Variants in IQCM observed in about 807,000 individuals in gnomAD.
IQCM encodes the protein IQ motif containing M.
IQCM carries 45 observed loss-of-function variants against 57.6 expected under a neutral mutation model. The observed-to-expected ratio is 0.78, with a 90% CI of 0.62 to 1.00. The LOEUF (loss-of-function observed/expected upper bound fraction) is 1.00, where lower values mean the gene tolerates loss of function less well. Ranked by LOEUF, IQCM falls within the 50% of genes least tolerant of loss-of-function variation. The pLI is 0.00. For synonymous variants in IQCM, 148 were observed against 158.9 expected (o/e 0.93, Z 0.51); for missense variants, 468 against 511.6 (o/e 0.91, Z 0.82).
At chr4:149,353,426 T>G (rs754145623) in intron 13 of IQCM, among the ~76,000 whole-genome samples, 2 of 152,188 alleles carry the variant, frequency 1.3e-5, no homozygotes, top group African/African-American at 2.4e-5. Flanking sequence ...GCAATCCCTC[T>G]TCTGGGCATA....
intron 12 of IQCM, among the ~76,000 whole-genome samples, chr4:149,545,820 T>A (rs1372822603): frequency 1.1e-5 from 1 of 94,494 alleles, no homozygotes; most frequent in African/African-American, 2.8e-5. Flanking sequence ...AAAGTGGTAT[T>A]TTTTTTTTAT....
At chr4:149,623,050 T>C (rs1212726991) in intron 7 of IQCM, among the ~76,000 whole-genome samples, 1 of 152,150 alleles carries the variant, frequency 6.6e-6, no homozygotes, top group African/African-American at 2.4e-5. Flanking sequence ...CACAAAGAAA[T>C]GACAAATGTC....
At chr4:149,478,742 A>T (rs1740474781) in intron 12 of IQCM, among the ~76,000 whole-genome samples, 1 of 152,176 alleles carries the variant, frequency 6.6e-6, no homozygotes, top group Non-Finnish European at 1.5e-5. Context: ...ATGAGAATCT[A>T]CAAGAGTCTT....
At chr4:149,376,293 G>C (rs981944352) in intron 13 of IQCM, among the ~76,000 whole-genome samples, 1 of 152,114 alleles carries the variant, frequency 6.6e-6, no homozygotes, top group Non-Finnish European at 1.5e-5. Context: ...GAGAAGTAGA[G>C]AAGAAAGGGT....
At chr4:149,481,701 G>GTTTTGTTTTTTTGTTTTTTGTTTTTTTT in intron 12 of IQCM, among the ~76,000 whole-genome samples, 1 of 51,580 alleles carries the variant, frequency 1.9e-5, no homozygotes, top group East Asian at 5.3e-4. Context: ...TTCCAGTTTT[G>GTTTTGTTTTTTTGTTTTTTGTTTTTTTT]TTTTTTTTTT....
At chr4:149,511,464 G>T (rs1744409700) in intron 12 of IQCM, among the ~76,000 whole-genome samples, 1 of 151,862 alleles carries the variant, frequency 6.6e-6, no homozygotes, top group Admixed American at 6.6e-5. Context: ...GGAGGCAGAG[G>T]TTGCAGTGAG....
chr4:149,513,802 T>C (rs1744669157), intron 12 of IQCM, among the ~76,000 whole-genome samples: 1 of 152,140 alleles, frequency 6.6e-6, no homozygotes, highest in African/African-American at 2.4e-5. Context: ...ACATTGGTTG[T>C]TGAAAAGAGG....
intron 2 of IQCM, among the ~76,000 whole-genome samples, chr4:149,745,166 T>C (rs752602724): frequency 4.6e-5 from 7 of 151,836 alleles, no homozygotes; most frequent in Non-Finnish European, 8.8e-5. Flanking sequence ...GTGAGAGAAA[T>C]AGTACAAGCA....
chr4:149,352,990 G>A (rs1048747626), intron 13 of IQCM, among the ~76,000 whole-genome samples: 1 of 152,032 alleles, frequency 6.6e-6, no homozygotes, highest in Admixed American at 6.5e-5. Context: ...AATCAACATG[G>A]CTAAAAGGAA....
intron 2 of IQCM, among the ~76,000 whole-genome samples, chr4:149,775,555 C>A (rs1771015827): frequency 6.6e-6 from 1 of 151,836 alleles, no homozygotes; most frequent in Non-Finnish European, 1.5e-5. Context: ...CAACACAGGT[C>A]ATAAACTCAC....
chr4:149,787,204 G>A (rs989054082), intron 2 of IQCM, among the ~76,000 whole-genome samples: 1 of 151,826 alleles, frequency 6.6e-6, no homozygotes, highest in South Asian at 2.1e-4. Context: ...TAGAGGACAG[G>A]TCAATAGGTG....
intron 7 of IQCM, among the ~76,000 whole-genome samples, chr4:149,645,769 T>G (rs1348004581): frequency 6.6e-6 from 1 of 152,012 alleles, no homozygotes; most frequent in East Asian, 1.9e-4. Context: ...GCCCTTGCAG[T>G]AAAGACATCA....
intron 12 of IQCM, among the ~76,000 whole-genome samples, chr4:149,518,305 C>T (rs1319525997): frequency 1.3e-5 from 2 of 152,140 alleles, no homozygotes; most frequent in African/African-American, 4.8e-5. Context: ...AAGAGTAGGT[C>T]TCTGTTACCC....
intron 12 of IQCM, among the ~76,000 whole-genome samples, chr4:149,490,803 C>T (rs1176259444): frequency 1.3e-5 from 2 of 152,064 alleles, no homozygotes; most frequent in Admixed American, 1.3e-4. Flanking sequence ...TCTAATAATG[C>T]ATATGAAAGA....
intron 13 of IQCM, among the ~76,000 whole-genome samples, chr4:149,368,763 TATATATAC>T (rs1157044234): frequency 8.4e-6 from 1 of 118,906 alleles, no homozygotes; most frequent in Non-Finnish European, 1.8e-5. Context: ...CATGTATATA[TATATATAC>T]ATATATATAC....
intron 2 of IQCM, among the ~76,000 whole-genome samples, chr4:149,757,233 G>A (rs541519240): frequency 3.3e-5 from 5 of 151,624 alleles, no homozygotes; most frequent in African/African-American, 4.8e-5. Flanking sequence ...ACTCCAGCCC[G>A]GGCAACAAAG....
At chr4:149,720,195 T>C (rs1765331863) in intron 5 of IQCM, among the ~76,000 whole-genome samples, 1 of 152,346 alleles carries the variant, frequency 6.6e-6, no homozygotes, top group South Asian at 2.1e-4. Flanking sequence ...GTCACCACTC[T>C]ATTCTAAGAT....
intron 8 of IQCM, among the ~76,000 whole-genome samples, chr4:149,601,758 T>C (rs557046919): frequency 1.3e-5 from 2 of 152,190 alleles, no homozygotes; most frequent in African/African-American, 4.8e-5. Context: ...CAACATTGGA[T>C]TAGAAATATG....
intron 12 of IQCM, among the ~76,000 whole-genome samples, chr4:149,489,891 G>T (rs1560906383): frequency 6.6e-6 from 1 of 151,706 alleles, no homozygotes; most frequent in Non-Finnish European, 1.5e-5. Context: ...TTGAGAAGTT[G>T]TCTAGAATTT....
Sources: gnomAD v4.1 joint callset for allele counts (sites outside exome capture counted in the v4.1 genomes callset) on GRCh38, gnomAD v4.1.1 for gene constraint, MANE v1.5 for transcripts, NCBI Gene and HGNC (gene_info 2026-07-23, HGNC 2026-07-21) for gene names.